The following SOCS4 variants were observed in gnomAD, a reference collection of about 807,000 sequenced individuals.
The protein encoded by SOCS4 is SH2 domain containing SOCS box protein.
In SOCS4, 20 loss-of-function variants were observed where a neutral mutation model predicts 34.1. The observed-to-expected ratio is 0.59, with a 90% CI of 0.41 to 0.85. SOCS4 has a LOEUF of 0.85. Ranked by LOEUF, SOCS4 falls within the 40% of genes least tolerant of loss-of-function variation. The probability of loss-of-function intolerance (pLI) is 0.00; values close to 1 mark genes in which losing one functional copy is unlikely to be tolerated. For synonymous variants in SOCS4, 180 were observed against 186.4 expected (o/e 0.97, Z 0.28); for missense variants, 479 against 532.4 (o/e 0.90, Z 0.99).
intron 2 of SOCS4, among the ~76,000 whole-genome samples, chr14:55,040,084 T>A (rs1416402284): frequency 6.6e-6 from 1 of 152,266 alleles, no homozygotes; most frequent in South Asian, 2.1e-4. Context: ...TTCATATTCT[T>A]CAGCCCATCT....
Position 55,044,065 on chromosome 14 carries a change from T to G in SOCS4, c.1024T>G (p.Phe342Val), listed in dbSNP as rs746551586. The change falls in exon 3 of 3, where the codon TTT becomes GTT. Residue 342 changes from phenylalanine (F) to valine (V), a missense_variant. Phe to Val is a conservative substitution (Grantham distance 50, BLOSUM62 -1). Transcript: ENST00000555846. ...HARIEQWNHNFSFDAHDPCVF... is the reference protein window; with the variant it reads ...HARIEQWNHNVSFDAHDPCVF... ...TAGAATTGAACAGTGGAATCACAAC[T>G]TTAGCTTTGATGCACATGACCCCTG... is the stretch of plus-strand genomic sequence containing the variant. 3 of 1,614,146 alleles carry G rather than the reference T, an allele frequency of 1.9e-6. No homozygotes were observed. The South Asian group carries it at 3.3e-5, about 18-fold the overall frequency.
intron 2 of SOCS4, among the ~76,000 whole-genome samples, chr14:55,038,431 TTTTTATTGG>T (rs1211678865): frequency 6.6e-6 from 1 of 152,198 alleles, no homozygotes; most frequent in Non-Finnish European, 1.5e-5. Context: ...GTCTTCTAGC[TTTTTATTGG>T]AGGATTCCCA....
At position 55,043,262 on chromosome 14, in the gene SOCS4, T is replaced by C. The variant is rs770663929; in HGVS notation, c.221T>C (p.Ile74Thr). Residue 74 changes from isoleucine (I) to threonine (T), a missense_variant, in exon 3 of 3, where the codon ATT becomes ACT. By Grantham distance (89) the Ile-to-Thr change is moderately conservative (BLOSUM62 -1). Transcript: ENST00000555846. ...NQERKHSCSS[I>T]ELDLDHSCGH... ...GAAAGGAAGCACAGCTGTTCATCCA[T>C]TGAGTTGGACTTAGATCATTCCTGT... The C allele has an allele frequency of 5.6e-6, 9 of 1,614,238 alleles. No individual in the cohort carries two copies. In the South Asian group the frequency reaches 7.7e-5, roughly 14 times the overall value.
chr14:55,041,640 A>G (rs1424923010), intron 2 of SOCS4, among the ~76,000 whole-genome samples: 2 of 150,896 alleles, frequency 1.3e-5, no homozygotes, highest in Non-Finnish European at 3.0e-5. Context: ...GTGCCTGGCT[A>G]ATTTTTGTAT....
At chr14:55,029,631 A>G (rs535781105) in intron 1 of SOCS4, among the ~76,000 whole-genome samples, 2 of 152,306 alleles carry the variant, frequency 1.3e-5, no homozygotes, top group Admixed American at 6.5e-5. Flanking sequence ...TTAAAAAATT[A>G]TTTTCTAGTA....
intron 2 of SOCS4, among the ~76,000 whole-genome samples, chr14:55,042,576 TC>T (rs1453614224): frequency 6.6e-6 from 1 of 152,176 alleles, no homozygotes. Context: ...TACAAATAAT[TC>T]ACTGGTCTGC....
At chr14:55,037,188 A>C (rs2042580102) in intron 2 of SOCS4, among the ~76,000 whole-genome samples, 1 of 148,436 alleles carries the variant, frequency 6.7e-6, no homozygotes, top group South Asian at 2.2e-4. Flanking sequence ...TCTGTCGCCC[A>C]GGCTAGAGTG....
Position 55,043,212 on chromosome 14 carries a change from A to T in SOCS4, c.171A>T (p.Lys57Asn), listed in dbSNP as rs2042636192. The T allele has an allele frequency of 6.2e-7, 1 of 1,614,224 alleles. No homozygotes were observed. The highest frequency in any genetic ancestry group is 8.5e-7 in the Non-Finnish European group (1 of 1,180,046). ...CTGAGACAGTGAATGGTATAGAGAA[A>T]ACCGAAGTGTCTTTAAGGAACCAAG... ...SDAETVNGIE[K>N]TEVSLRNQER... The change falls in exon 3 of 3, where the codon AAA becomes AAT. Residue 57 changes from lysine to asparagine, a missense_variant. By Grantham distance (94) the Lys-to-Asn change is moderately conservative (BLOSUM62 0). Transcript: ENST00000555846.
chr14:55,039,363 G>A (rs2140246586), intron 2 of SOCS4, among the ~76,000 whole-genome samples: 1 of 151,894 alleles, frequency 6.6e-6, no homozygotes, highest in South Asian at 2.1e-4. Flanking sequence ...ACTTGAGCCT[G>A]GGAGGTCGAG....
At chr14:55,037,833 T>A (rs546612888) in intron 2 of SOCS4, among the ~76,000 whole-genome samples, 13 of 152,350 alleles carry the variant, frequency 8.5e-5, no homozygotes, top group Non-Finnish European at 1.5e-5. Flanking sequence ...TTCATAGTTG[T>A]AATATCTTTT....
rs2042699004 is a variant in SOCS4 at position 55,048,698 on chromosome 14, T to C, written c.*4334T>C. 6.0e-6 allele frequency: 1 copy of C among 167,070 alleles called. No homozygotes were observed. The highest frequency in any genetic ancestry group is 2.4e-5 in the African/African-American group (1 of 41,450). 10.3% of individuals were successfully genotyped at this position (167,070 alleles called of 1,614,324 possible). A position where few individuals can be genotyped will look rare whatever the true frequency, so the allele number is the denominator to read the frequency against. ...ATGGATATAACCCAATAGAAAGGGA[T>C]TTTCAAATAAAACCAAAGTCTATTT... is the stretch of plus-strand genomic sequence containing the variant. On this transcript the variant is annotated 3_prime_UTR_variant, in exon 3 of 3. Transcript: ENST00000555846.
chr14:55,045,350 C>T lies in SOCS4; in HGVS notation c.*986C>T, dbSNP rs542027304. ...AGCAGCCACAAATTTCCACTGGTAA[C>T]CAAAGAGTACCTAAGTAGTTTTTCA... On this transcript the variant is annotated 3_prime_UTR_variant, in exon 3 of 3. Transcript: ENST00000555846. The T allele has an allele frequency of 1.2e-5, 2 of 166,948 alleles. No homozygotes were observed. Among genetic ancestry groups the T allele is most frequent in the South Asian group, 4.1e-4 (2 of 4,822 alleles). The allele number at this position is 166,948 out of a possible 1,614,324, so 10.3% of individuals were successfully genotyped here.
chr14:55,036,468 C>T (rs1019232466), intron 2 of SOCS4, among the ~76,000 whole-genome samples: 4 of 151,874 alleles, frequency 2.6e-5, no homozygotes, highest in Admixed American at 6.6e-5. Context: ...CTCAGCCCCC[C>T]GAGTAGCTGG....
At position 55,045,396 on chromosome 14, in the gene SOCS4, A is replaced by T. The variant is rs930469961; in HGVS notation, c.*1032A>T. On this transcript the variant is annotated 3_prime_UTR_variant, in exon 3 of 3. Coordinates refer to ENST00000555846, the MANE Select transcript of SOCS4 (RefSeq NM_199421.2). ...TTTCATTATTTTAAGTTGAATTTGA[A>T]TAAAGATTCCAGAAATAAACATGGA... 1.2e-5 allele frequency: 2 copies of T among 166,996 alleles called. No individual in the cohort carries two copies. Among genetic ancestry groups the T allele is most frequent in the Non-Finnish European group, 2.9e-5 (2 of 68,046 alleles). 10.3% of individuals were successfully genotyped at this position (166,996 alleles called of 1,614,324 possible).
At position 55,043,928 on chromosome 14, in the gene SOCS4, C is replaced by T; in HGVS notation, c.887C>T (p.Ala296Val). 6.2e-7 allele frequency: 1 copy of T among 1,614,150 alleles called. No individual in the cohort carries two copies. Among genetic ancestry groups the T allele is most frequent in the Non-Finnish European group, 8.5e-7 (1 of 1,180,022 alleles). Residue 296 changes from alanine (A) to valine (V), a missense_variant, in exon 3 of 3, where the codon GCC becomes GTC. Transcript: ENST00000555846. ...CYWGVMDKYA[A>V]EALLEGKPEG... The stretch of plus-strand genomic sequence containing the variant: ...TGGGGAGTGATGGATAAATACGCAG[C>T]CGAAGCACTACTGGAAGGAAAACCA...
chr14:55,044,202 T>C lies in SOCS4; in HGVS notation c.1161T>C (p.Phe387=), dbSNP rs760012823. Residue 387 remains phenylalanine, a synonymous_variant, in exon 3 of 3, where the codon TTT becomes TTC. Coordinates refer to ENST00000555846, the MANE Select transcript of SOCS4 (RefSeq NM_199421.2). The stretch of plus-strand genomic sequence containing the variant: ...CTCCCTTAATTCGGACTTTCCCTTT[T>C]TCCCTGCAGCATATATGCAGAACAG... The part of the protein sequence containing the change: ...LSTPLIRTFP[F]SLQHICRTVI... 6.2e-7 allele frequency: 1 copy of C among 1,614,088 alleles called. No homozygotes were observed. Among genetic ancestry groups the C allele is most frequent in the African/African-American group, 1.3e-5 (1 of 75,052 alleles).
chr14:55,044,229 T>G lies in SOCS4; in HGVS notation c.1188T>G (p.Val396=). 1 of 1,614,088 alleles carries G rather than the reference T, an allele frequency of 6.2e-7. No homozygotes were observed. Among genetic ancestry groups the G allele is most frequent in the Non-Finnish European group, 8.5e-7 (1 of 1,179,946 alleles). Residue 396 remains valine (V), a synonymous_variant, in exon 3 of 3, where the codon GTT becomes GTG. Transcript: ENST00000555846. The part of the protein sequence containing the change: ...PFSLQHICRT[V]ICNCTTYDGI... ...CCCTGCAGCATATATGCAGAACAGT[T>G]ATTTGTAACTGTACAACTTATGATG...
Position 55,037,495 on chromosome 14 carries a change from T to A in SOCS4, c.-90-5457T>A, listed in dbSNP as rs115638020. Among the ~76,000 whole-genome samples the A allele has an allele frequency of 8.9e-3, 1,342 of 151,558 alleles. 16 individuals are homozygous for A. The highest frequency in any genetic ancestry group is 0.03 in the African/African-American group (1,250 of 41,224). ...TTATTCTAGTTGTCTCCACCTCTTT[T>A]TTTTTATTTTTTTTTTAGAAGGAAT... is the stretch of plus-strand genomic sequence containing the variant. On this transcript the variant is annotated intron_variant, in intron 2 of 2. Coordinates refer to ENST00000555846, the MANE Select transcript of SOCS4 (RefSeq NM_199421.2).
chr14:55,042,918 C>A, intron 2 of SOCS4, 34 bp from the exon 3 acceptor site: 2 of 834,656 alleles, frequency 2.4e-6, no homozygotes, highest in Non-Finnish European at 3.6e-6. Context: ...AGGTAGATGA[C>A]AAATGGTTAA....
Sources: allele counts gnomAD v4.1 joint callset (sites outside exome capture counted in the v4.1 genomes callset), GRCh38; gene constraint gnomAD v4.1.1; transcripts MANE v1.5; gene names NCBI Gene and HGNC (gene_info 2026-07-23, HGNC 2026-07-21).